The following FGF14 variants were observed in gnomAD, a reference collection of about 807,000 sequenced individuals.
FGF14 encodes the protein fibroblast growth factor homologous factor 4.
Under a neutral mutation model 25.5 loss-of-function variants are expected in FGF14, and 5 were observed. The ratio of observed to expected loss-of-function variants is 0.20; its 90% CI spans 0.10 to 0.41. The LOEUF is 0.41. Among genes scored for constraint, FGF14 ranks in the 10% least tolerant of loss-of-function variants. The pLI is 1.00. For missense variants in FGF14, 222 were observed against 320.1 expected, an observed-to-expected ratio of 0.69 and a Z score of 2.34; for synonymous variants, 138 against 118.3, an observed-to-expected ratio of 1.17 and a Z score of -1.08.
chr13:102,138,229 C>A (rs1386309466), intron 1 of FGF14, among the ~76,000 whole-genome samples: 1 of 35,146 alleles, frequency 2.8e-5, no homozygotes, highest in Admixed American at 2.0e-4. Context: ...CTATGACAGT[C>A]CAGAACAAGT....
chr13:101,780,134 A>T (rs2039399049), intron 3 of FGF14, among the ~76,000 whole-genome samples: 1 of 152,178 alleles, frequency 6.6e-6, no homozygotes, highest in Non-Finnish European at 1.5e-5. Context: ...TGGTGGTGGT[A>T]CAATATTTAC....
intron 3 of FGF14, among the ~76,000 whole-genome samples, chr13:101,768,827 CA>C (rs2038573431): frequency 6.6e-6 from 1 of 152,048 alleles, no homozygotes; most frequent in Admixed American, 6.6e-5. Context: ...TAAAATGGAT[CA>C]CGTAAATAAA....
chr13:101,871,454 C>T (rs952076794), intron 2 of FGF14, among the ~76,000 whole-genome samples: 1 of 152,138 alleles, frequency 6.6e-6, no homozygotes, highest in East Asian at 1.9e-4. Flanking sequence ...TGAGAACTGC[C>T]GTCCTAAATC....
intron 1 of FGF14, among the ~76,000 whole-genome samples, chr13:101,930,202 G>A (rs1003311108): frequency 6.6e-6 from 1 of 151,914 alleles, no homozygotes; most frequent in African/African-American, 2.4e-5. Context: ...AACCAAATGA[G>A]AAACCCAACA....
intron 1 of FGF14, among the ~76,000 whole-genome samples, chr13:102,381,051 C>A (rs1284313248): frequency 6.6e-5 from 10 of 152,156 alleles, no homozygotes; most frequent in Admixed American, 6.6e-4. Context: ...GCAAAATCAT[C>A]TAACACAAAG....
chr13:101,846,559 C>T (rs929355743), intron 3 of FGF14, among the ~76,000 whole-genome samples: 3 of 152,000 alleles, frequency 2.0e-5, no homozygotes, highest in Non-Finnish European at 2.9e-5. Context: ...TTCAGTGATG[C>T]TGTGGCTAAG....
chr13:101,886,753 G>A (rs768590365), intron 1 of FGF14, among the ~76,000 whole-genome samples: 1 of 152,088 alleles, frequency 6.6e-6, no homozygotes, highest in Non-Finnish European at 1.5e-5. Flanking sequence ...ACAGAATGGA[G>A]ACACAACCTA....
At chr13:102,367,470 T>G (rs1269172107) in intron 1 of FGF14, 5 of 152,240 alleles carry the variant, frequency 3.3e-5, no homozygotes, top group African/African-American at 1.2e-4. Context: ...AGTCACACTT[T>G]GTCCCTTCTG....
chr13:101,971,119 T>C (rs1264564161), intron 1 of FGF14, among the ~76,000 whole-genome samples: 3 of 152,182 alleles, frequency 2.0e-5, no homozygotes, highest in East Asian at 3.8e-4. Context: ...AGATCCTAGA[T>C]AGATAAGAAA....
chr13:102,393,847 G>T (rs928172629), intron 1 of FGF14: 4 of 152,196 alleles, frequency 2.6e-5, no homozygotes, highest in African/African-American at 9.7e-5. Context: ...AAAGGAACAG[G>T]TTGTTTGTGA....
At chr13:101,814,758 T>G (rs1169008488) in intron 3 of FGF14, among the ~76,000 whole-genome samples, 1 of 152,232 alleles carries the variant, frequency 6.6e-6, no homozygotes, top group Non-Finnish European at 1.5e-5. Flanking sequence ...AGCATTTTAT[T>G]CTACAGATAT....
chr13:101,827,129 T>C (rs1050976414), intron 3 of FGF14, among the ~76,000 whole-genome samples: 1 of 152,014 alleles, frequency 6.6e-6, no homozygotes, highest in Non-Finnish European at 1.5e-5. Flanking sequence ...TAATCATACA[T>C]AGAAATTTCA....
intron 3 of FGF14, among the ~76,000 whole-genome samples, chr13:101,788,965 G>GAGAGAT (rs2040073837): frequency 8.7e-5 from 7 of 80,622 alleles, no homozygotes; most frequent in Non-Finnish European, 1.7e-4. Context: ...GAGAGAGAGA[G>GAGAGAT]AGAGACAGAG....
At chr13:102,025,755 T>C (rs1040010899) in intron 1 of FGF14, among the ~76,000 whole-genome samples, 1 of 152,096 alleles carries the variant, frequency 6.6e-6, no homozygotes, top group African/African-American at 2.4e-5. Context: ...GTTATTCTTT[T>C]GATGATATTC....
intron 1 of FGF14, among the ~76,000 whole-genome samples, chr13:102,260,010 C>T (rs1396937797): frequency 2.6e-5 from 4 of 152,088 alleles, no homozygotes; most frequent in South Asian, 2.1e-4. Flanking sequence ...TCATAATGTA[C>T]ATGTTGGTTA....
chr13:101,758,681 C>T (rs1050924671), intron 3 of FGF14, among the ~76,000 whole-genome samples: 1 of 152,144 alleles, frequency 6.6e-6, no homozygotes, highest in Non-Finnish European at 1.5e-5. Flanking sequence ...TTCTAGTTCT[C>T]TATGTGGTTG....
At chr13:102,401,158 C>A (rs1410029500) in intron 1 of FGF14, among the ~76,000 whole-genome samples, 1 of 151,844 alleles carries the variant, frequency 6.6e-6, no homozygotes, top group Non-Finnish European at 1.5e-5. Context: ...TGGGGCACAA[C>A]CTTAAGCCAT....
intron 1 of FGF14, among the ~76,000 whole-genome samples, chr13:102,285,051 A>G (rs2054028226): frequency 6.6e-6 from 1 of 152,166 alleles, no homozygotes; most frequent in African/African-American, 2.4e-5. Context: ...AAAAGAATGA[A>G]CCTTGGAGGA....
Position 101,820,954 on chromosome 13 carries a change from C to CT in FGF14, c.408+47770dup, listed in dbSNP as rs138807843. On this transcript the variant is annotated intron_variant, in intron 3 of 4. Transcript: ENST00000376143. ...TTCTATCATAGAAGATTAGATTTTG[C>CT]TTTTTTTTTTTTTGAGACAGAGTCT... is the stretch of plus-strand genomic sequence containing the variant. 7.2e-3 allele frequency among the ~76,000 whole-genome samples: 1,020 copies of CT among 141,280 alleles called. 12 individuals are homozygous for CT. The highest frequency in any genetic ancestry group is 0.02 in the African/African-American group (785 of 38,808). The allele number at this position is 141,280 out of a possible 152,430, so 92.7% of individuals were successfully genotyped here.
Sources: gnomAD v4.1 joint callset for allele counts (sites outside exome capture counted in the v4.1 genomes callset) on GRCh38, gnomAD v4.1.1 for gene constraint, MANE v1.5 for transcripts, NCBI Gene and HGNC (gene_info 2026-07-23, HGNC 2026-07-21) for gene names.